SPSB4: variants seen among roughly 807,000 people sequenced by gnomAD.
The protein encoded by SPSB4 is splA/ryanodine receptor domain and SOCS box containing 4.
Under a neutral mutation model 20.9 loss-of-function variants are expected in SPSB4, and 21 were observed. The observed-to-expected ratio is 1.01, with a 90% CI of 0.71 to 1.45. The LOEUF (loss-of-function observed/expected upper bound fraction) is 1.45. Ranked by LOEUF, SPSB4 falls within the 40% of genes most tolerant of loss-of-function variation. SPSB4 has a pLI of 0.00. For synonymous variants in SPSB4, 207 were observed against 183.8 expected (o/e 1.13, Z -1.02); for missense variants, 399 against 399.2 (o/e 1.00, Z 0.00).
chr3:141,058,016 G>C (rs557576742), intron 1 of SPSB4, among the ~76,000 whole-genome samples: 1 of 152,284 alleles, frequency 6.6e-6, no homozygotes, highest in Admixed American at 6.5e-5. Flanking sequence ...CTGCTGGCTA[G>C]ATGAAAGAAG....
intron 1 of SPSB4, among the ~76,000 whole-genome samples, chr3:141,052,579 G>T (rs986046948): frequency 2.0e-5 from 3 of 152,148 alleles, no homozygotes; most frequent in African/African-American, 7.2e-5. Flanking sequence ...CGGGGTATTC[G>T]GAGAGGTGGA....
intron 2 of SPSB4, chr3:141,124,306 G>A (rs1441735254): frequency 6.6e-6 from 1 of 152,336 alleles, no homozygotes; most frequent in Non-Finnish European, 1.5e-5. Flanking sequence ...GAGATTCAGG[G>A]TGGTCAGGGA....
At chr3:141,108,442 T>G (rs1344382766) in intron 2 of SPSB4, among the ~76,000 whole-genome samples, 3 of 152,216 alleles carry the variant, frequency 2.0e-5, no homozygotes, top group Non-Finnish European at 4.4e-5. Context: ...AGCATTCAGA[T>G]GAGGCCAAAG....
Position 141,130,807 on chromosome 3 carries a change from T to A in SPSB4, c.695-16335T>A, listed in dbSNP as rs542031837. 6.8e-4 allele frequency among the ~76,000 whole-genome samples: 103 copies of A among 152,196 alleles called. 1 individual carries two copies. Among genetic ancestry groups the A allele is most frequent in the African/African-American group, 2.4e-3 (101 of 41,538 alleles). On this transcript the variant is annotated intron_variant, in intron 2 of 2. Transcript: ENST00000310546. ...CCATTTTATTGATAGCTAAACAGAG[T>A]CCCTGGGAAGTCCAATGGCTCACCT...
At chr3:141,140,114 A>C (rs1939299206) in intron 2 of SPSB4, among the ~76,000 whole-genome samples, 1 of 151,768 alleles carries the variant, frequency 6.6e-6, no homozygotes, top group African/African-American at 2.4e-5. Context: ...CCTTTCTTCC[A>C]GTTGATCGCG....
At position 141,066,735 on chromosome 3, in the gene SPSB4, C is replaced by A. The variant is rs1477340248; in HGVS notation, c.631C>A (p.Pro211Thr). 6.2e-7 allele frequency: 1 copy of A among 1,604,720 alleles called. No homozygotes were observed. Among genetic ancestry groups the A allele is most frequent in the Non-Finnish European group, 8.5e-7 (1 of 1,175,444 alleles). ...FRGLKGKKLY[P>T]VVSAVWGHCE... The stretch of plus-strand genomic sequence containing the variant: ...AGGTCTCAAGGGCAAGAAGCTGTAC[C>A]CGGTGGTGAGTGCCGTGTGGGGCCA... The change falls in exon 2 of 3, where the codon CCG becomes ACG. Residue 211 changes from proline (P) to threonine (T), a missense_variant. Pro to Thr is a conservative substitution (Grantham distance 38). Coordinates refer to ENST00000310546, the MANE Select transcript of SPSB4 (RefSeq NM_080862.3).
At chr3:141,093,607 G>C (rs948910188) in intron 2 of SPSB4, among the ~76,000 whole-genome samples, 1 of 152,148 alleles carries the variant, frequency 6.6e-6, no homozygotes, top group Admixed American at 6.5e-5. Flanking sequence ...TGAAGCTTCC[G>C]GTTCTCCAGA....
intron 2 of SPSB4, among the ~76,000 whole-genome samples, chr3:141,076,032 C>G (rs1938102478): frequency 2.6e-5 from 4 of 152,154 alleles, no homozygotes; most frequent in Admixed American, 2.6e-4. Flanking sequence ...GCACTCCACC[C>G]TGGGCAACAG....
At chr3:141,060,363 G>T (rs1487296346) in intron 1 of SPSB4, among the ~76,000 whole-genome samples, 4 of 152,166 alleles carry the variant, frequency 2.6e-5, no homozygotes, top group Non-Finnish European at 4.4e-5. Flanking sequence ...TTCTGTGTGG[G>T]CCACACAGAG....
At chr3:141,119,821 G>T (rs529368473) in intron 2 of SPSB4, among the ~76,000 whole-genome samples, 44 of 151,810 alleles carry the variant, frequency 2.9e-4, no homozygotes, top group African/African-American at 1.0e-3. Flanking sequence ...TATTAGTTTT[G>T]CTAGCAGTCT....
chr3:141,135,331 T>C (rs890054906), intron 2 of SPSB4, among the ~76,000 whole-genome samples: 117 of 147,588 alleles, frequency 7.9e-4, no homozygotes, highest in African/African-American at 3.0e-3. Context: ...TCACTTCCAG[T>C]TTTTCTTTTA....
intron 2 of SPSB4, among the ~76,000 whole-genome samples, chr3:141,101,809 C>T (rs774097474): frequency 1.4e-4 from 21 of 152,220 alleles, no homozygotes; most frequent in Non-Finnish European, 2.4e-4. Flanking sequence ...TGTTGCACAT[C>T]TTAAACTAGT....
chr3:141,108,120 G>C (rs1434984613), intron 2 of SPSB4, among the ~76,000 whole-genome samples: 2 of 152,038 alleles, frequency 1.3e-5, no homozygotes, highest in Non-Finnish European at 2.9e-5. Context: ...GCCAGCGAGG[G>C]TCAGAGTCTT....
intron 2 of SPSB4, among the ~76,000 whole-genome samples, chr3:141,129,941 C>T (rs187379322): frequency 6.6e-5 from 10 of 152,354 alleles, no homozygotes; most frequent in East Asian, 5.8e-4. Context: ...GTGTGGATGA[C>T]GCTTGTTGGC....
intron 2 of SPSB4, among the ~76,000 whole-genome samples, chr3:141,093,215 G>C (rs941702895): frequency 1.3e-5 from 2 of 151,970 alleles, no homozygotes; most frequent in African/African-American, 4.8e-5. Context: ...AGAGTCTGTA[G>C]AGAAAAAAAT....
chr3:141,076,879 C>T (rs1559842419), intron 2 of SPSB4: 2 of 152,246 alleles, frequency 1.3e-5, no homozygotes, highest in Non-Finnish European at 2.9e-5. Context: ...TGCATTCACT[C>T]TGAACTCTTC....
chr3:141,086,847 A>G (rs1305290823), intron 2 of SPSB4, among the ~76,000 whole-genome samples: 1 of 152,194 alleles, frequency 6.6e-6, no homozygotes, highest in Admixed American at 6.5e-5. Flanking sequence ...AGGTGGTGTT[A>G]ACATTCCTCT....
chr3:141,070,789 T>C (rs562440813), intron 2 of SPSB4, among the ~76,000 whole-genome samples: 1 of 152,298 alleles, frequency 6.6e-6, no homozygotes, highest in Admixed American at 6.5e-5. Flanking sequence ...AGAGCTTGAG[T>C]AAGTTGCTGA....
intron 2 of SPSB4, among the ~76,000 whole-genome samples, chr3:141,096,680 T>C (rs1445053876): frequency 6.6e-6 from 1 of 152,260 alleles, no homozygotes; most frequent in Non-Finnish European, 1.5e-5. Flanking sequence ...TATTACAGTA[T>C]ATAGCATCCT....
Sources: allele counts gnomAD v4.1 joint callset (sites outside exome capture counted in the v4.1 genomes callset), GRCh38; gene constraint gnomAD v4.1.1; transcripts MANE v1.5; gene names NCBI Gene and HGNC (gene_info 2026-07-23, HGNC 2026-07-21).